MTPAP: variants seen among roughly 807,000 people sequenced by gnomAD.
The protein encoded by MTPAP is poly(A) RNA polymerase, mitochondrial.
MTPAP carries 23 observed loss-of-function variants against 48.7 expected under a neutral mutation model. The observed-to-expected ratio is 0.47, with a 90% CI of 0.34 to 0.67. MTPAP has a LOEUF of 0.67. Among genes scored for constraint, MTPAP ranks in the 30% least tolerant of loss-of-function variants. The probability of loss-of-function intolerance (pLI) is 0.01; values close to 1 mark genes in which losing one functional copy is unlikely to be tolerated. For missense variants in MTPAP, 614 were observed against 694.3 expected, an observed-to-expected ratio of 0.88 and a Z score of 1.30; for synonymous variants, 257 against 254.1, an observed-to-expected ratio of 1.01 and a Z score of -0.11.
intron 3 of MTPAP, among the ~76,000 whole-genome samples, chr10:30,338,456 A>G (rs1190868537): frequency 6.6e-6 from 1 of 151,708 alleles, no homozygotes; most frequent in Non-Finnish European, 1.5e-5. Flanking sequence ...GGCAGATCAC[A>G]TGAGATCAGG....
intron 1 of MTPAP, among the ~76,000 whole-genome samples, chr10:30,345,224 G>A (rs560935090): frequency 1.3e-5 from 2 of 152,034 alleles, no homozygotes; most frequent in South Asian, 4.2e-4. Flanking sequence ...TTAATATATT[G>A]GGGACATTTT....
chr10:30,319,666 A>G (rs565991641), intron 6 of MTPAP, among the ~76,000 whole-genome samples: 1 of 152,252 alleles, frequency 6.6e-6, no homozygotes, highest in African/African-American at 2.4e-5. Context: ...GATCTTCACC[A>G]AATTCTTAAT....
intron 4 of MTPAP, among the ~76,000 whole-genome samples, chr10:30,327,360 G>A (rs1353314234): frequency 1.4e-5 from 2 of 147,912 alleles, no homozygotes; most frequent in African/African-American, 2.5e-5. Flanking sequence ...TTAGCCAAGT[G>A]TGGTGGCGGA....
rs199925370 is a variant in MTPAP at position 30,330,055 on chromosome 10, G to C, written c.781-3420C>G. On this transcript the variant is annotated intron_variant, in intron 4 of 8. Coordinates refer to ENST00000263063, the MANE Select transcript of MTPAP (RefSeq NM_018109.4). ...ACCGGGTTATCTCTGGAGGCAGTGT[G>C]ACCAACAGAGATACTTATGTATTTC... Among the ~76,000 whole-genome samples the C allele has an allele frequency of 2.0e-4, 30 of 152,060 alleles. No individual in the cohort carries two copies. In the East Asian group the frequency reaches 5.6e-3, roughly 28 times the overall value.
In MTPAP at chr10:30,313,149, A is replaced by C. The variant is rs190168952; in HGVS notation, c.*460T>G. On this transcript the variant is annotated 3_prime_UTR_variant, in exon 9 of 9. Transcript: ENST00000263063. ...GTTTTCTAAACAGGGACTGATGTGG[A>C]TATCAACAATGGTTTCATCCTAAAA... is the stretch of plus-strand genomic sequence containing the variant. The C allele has an allele frequency of 5.5e-6, 1 of 181,508 alleles. No homozygotes were observed. Among genetic ancestry groups the C allele is most frequent in the Non-Finnish European group, 1.2e-5 (1 of 85,418 alleles). 11.2% of individuals were successfully genotyped at this position (181,508 alleles called of 1,614,324 possible). A position where few individuals can be genotyped will look rare whatever the true frequency, so the allele number is the denominator to read the frequency against.
rs1332883145 is a variant in MTPAP, at chr10:30,325,400, A to G, written c.992+1024T>C. Among the ~76,000 whole-genome samples the G allele has an allele frequency of 2.6e-5, 4 of 152,352 alleles. No individual in the cohort carries two copies. The East Asian group carries it at 5.8e-4, about 22-fold the overall frequency. On this transcript the variant is annotated intron_variant, in intron 5 of 8. Coordinates refer to ENST00000263063, the MANE Select transcript of MTPAP (RefSeq NM_018109.4). ...TATTTAGCTAACAAATAACATAGTG[A>G]AATGAACTCATGCAATGAGAAGTTA...
Position 30,315,509 on chromosome 10 carries a change from A to AC in MTPAP, c.1386+453_1386+454insG, listed in dbSNP as rs1197384938. ...ATCGTAAGTTCATTTGCTCAAAAAAAAAAAACAAAACAAAACAAAACAAAA... is the reference window on the plus strand; with the variant it reads ...ATCGTAAGTTCATTTGCTCAAAAAAACAAAAACAAAACAAAACAAAACAAAA... On this transcript the variant is annotated intron_variant, in intron 8 of 8. Coordinates refer to ENST00000263063, the MANE Select transcript of MTPAP (RefSeq NM_018109.4). 3.5e-3 allele frequency among the ~76,000 whole-genome samples: 528 copies of AC among 150,174 alleles called. 2 individuals carry two copies. The highest frequency in any genetic ancestry group is 0.012 in the African/African-American group (507 of 41,344).
At position 30,322,481 on chromosome 10, in the gene MTPAP, T is replaced by C. The variant is rs750122753; in HGVS notation, c.1129A>G (p.Asn377Asp). Reference protein sequence around the residue: ...TSSIPGAWITNFSLTMMVIFF... With the variant: ...TSSIPGAWITDFSLTMMVIFF... ...ATGACCATCATTGTAAGGGAGAAAT[T>C]TGTAATCCATGCACCAGGAATACTA... Residue 377 changes from asparagine to aspartate, a missense_variant, in exon 6 of 9, where the codon AAT becomes GAT. By Grantham distance (23) the Asn-to-Asp change is conservative. Coordinates refer to ENST00000263063, the MANE Select transcript of MTPAP (RefSeq NM_018109.4). 3 of 1,613,934 alleles carry C rather than the reference T, an allele frequency of 1.9e-6. No individual in the cohort carries two copies. The highest frequency in any genetic ancestry group is 3.3e-5 in the Admixed American group (2 of 59,998).
chr10:30,328,242 C>T (rs932245422), intron 4 of MTPAP, among the ~76,000 whole-genome samples: 1 of 152,060 alleles, frequency 6.6e-6, no homozygotes, highest in Non-Finnish European at 1.5e-5. Context: ...AGAAACTAAA[C>T]AGAAATTAAA....
chr10:30,338,866 A>G (rs142524511), intron 3 of MTPAP, among the ~76,000 whole-genome samples: 1,691 of 151,934 alleles, frequency 0.011, 42 homozygotes, highest in East Asian at 0.048. Flanking sequence ...GCTCACGCCT[A>G]TAATCCCAGC....
At chr10:30,341,362 G>C in intron 2 of MTPAP, 106 bp downstream of exon 2, 1 of 1,414,680 alleles carries the variant, frequency 7.1e-7, no homozygotes, top group Admixed American at 2.6e-5. Context: ...ATATCAAAGA[G>C]AACCTACCTA....
chr10:30,340,203 T>C lies in MTPAP; in HGVS notation c.555+23A>G, dbSNP rs1564523612. 3 of 1,560,106 alleles carry C rather than the reference T, an allele frequency of 1.9e-6. No homozygotes were observed. The South Asian group carries it at 3.3e-5, about 17-fold the overall frequency. ...ATAAAAAAATACATAGTTCTAAAAG[T>C]TGAGGTACACCTAAAAACTTACACT... On this transcript the variant is annotated intron_variant, in intron 3 of 8. Coordinates refer to ENST00000263063, the MANE Select transcript of MTPAP (RefSeq NM_018109.4).
At chr10:30,326,155 C>A (rs1221969864) in intron 5 of MTPAP, among the ~76,000 whole-genome samples, 1 of 152,058 alleles carries the variant, frequency 6.6e-6, no homozygotes, top group East Asian at 1.9e-4. Context: ...CCAGGCTGCA[C>A]AAGTAAGAAT....
intron 4 of MTPAP, among the ~76,000 whole-genome samples, chr10:30,327,886 A>G (rs1331886323): frequency 6.6e-6 from 1 of 152,144 alleles, no homozygotes; most frequent in Non-Finnish European, 1.5e-5. Context: ...ACATGGATCA[A>G]AGACTAAAAT....
At chr10:30,326,948 A>T (rs924644562) in intron 4 of MTPAP, among the ~76,000 whole-genome samples, 1 of 152,216 alleles carries the variant, frequency 6.6e-6, no homozygotes, top group South Asian at 2.1e-4. Flanking sequence ...CATTCACCTT[A>T]TAAATTCAGT....
At chr10:30,348,709 A>G (rs900277933) in intron 1 of MTPAP, 1 of 209,556 alleles carries the variant, frequency 4.8e-6, no homozygotes, top group Admixed American at 5.2e-5. Context: ...TCAGGCTACA[A>G]TATAACTCGG....
At chr10:30,323,534 G>T (rs1483644713) in intron 5 of MTPAP, among the ~76,000 whole-genome samples, 21 of 152,096 alleles carry the variant, frequency 1.4e-4, no homozygotes, top group Admixed American at 1.3e-3. Flanking sequence ...ATTTGAGACG[G>T]AGTCTCGCTC....
At chr10:30,340,198 A>G in intron 3 of MTPAP, 28 bp downstream of exon 3, 2 of 1,539,484 alleles carry the variant, frequency 1.3e-6, no homozygotes, top group Non-Finnish European at 1.8e-6. Flanking sequence ...ACATAGTTCT[A>G]AAAGTTGAGG....
At chr10:30,314,804 G>A (rs886420389) in intron 8 of MTPAP, among the ~76,000 whole-genome samples, 14 of 150,646 alleles carry the variant, frequency 9.3e-5, no homozygotes, top group African/African-American at 2.7e-4. Context: ...CCCAGGAGGC[G>A]GAGGCTGCAG....
Sources: gnomAD v4.1 joint callset for allele counts (sites outside exome capture counted in the v4.1 genomes callset) on GRCh38, gnomAD v4.1.1 for gene constraint, MANE v1.5 for transcripts, NCBI Gene and HGNC (gene_info 2026-07-23, HGNC 2026-07-21) for gene names.